ANXA6: variants seen among roughly 807,000 people sequenced by gnomAD.
ANXA6 encodes 67 kDa calelectrin.
A neutral mutation model predicts 95.4 loss-of-function variants in ANXA6; 71 were observed. The ratio of observed to expected loss-of-function variants is 0.74; its 90% CI spans 0.61 to 0.91. The LOEUF (loss-of-function observed/expected upper bound fraction) is 0.91, where lower values mean the gene tolerates loss of function less well. Among genes scored for constraint, ANXA6 ranks in the 40% least tolerant of loss-of-function variants. ANXA6 has a pLI of 0.00. For missense variants in ANXA6, 830 were observed against 876.4 expected, an observed-to-expected ratio of 0.95 and a Z score of 0.67; for synonymous variants, 289 against 315.9, an observed-to-expected ratio of 0.91 and a Z score of 0.90.
At chr5:151,104,314 C>T (rs2113889718) in intron 24 of ANXA6, among the ~76,000 whole-genome samples, 1 of 152,356 alleles carries the variant, frequency 6.6e-6, no homozygotes, top group African/African-American at 2.4e-5. Flanking sequence ...GAAACTACCA[C>T]CGGGCCCAAG....
intron 15 of ANXA6, 78 bp from the exon 16 acceptor site, chr5:151,123,089 C>G (rs771360483): frequency 5.7e-6 from 7 of 1,227,222 alleles, no homozygotes; most frequent in Non-Finnish European, 7.1e-6. Context: ...ACTGATGGCC[C>G]CTCATCGATC....
chr5:151,129,601 T>G, intron 11 of ANXA6, 72 bp from the exon 12 acceptor site: 1 of 1,483,624 alleles, frequency 6.7e-7, no homozygotes, highest in Non-Finnish European at 9.0e-7. Context: ...CCAGCTTAGT[T>G]GAAAATCCTA....
intron 12 of ANXA6, among the ~76,000 whole-genome samples, chr5:151,128,946 C>CA (rs372400204): frequency 0.49 from 62,373 of 127,604 alleles, 13,974 homozygotes; most frequent in South Asian, 0.61. Flanking sequence ...TTCAGTCATC[C>CA]AAAAAAAAAA....
At chr5:151,155,207 C>T (rs1042192496) in intron 1 of ANXA6, 2 of 152,080 alleles carry the variant, frequency 1.3e-5, no homozygotes, top group African/African-American at 4.8e-5. Context: ...CGGGGCCTGG[C>T]AAATTTAAGG....
chr5:151,105,306 G>A lies in ANXA6; in HGVS notation c.1781-3C>T, dbSNP rs763099195. 6.2e-7 allele frequency: 1 copy of A among 1,613,836 alleles called. No individual in the cohort carries two copies. Among genetic ancestry groups the A allele is most frequent in the Non-Finnish European group, 8.5e-7 (1 of 1,179,752 alleles). On this transcript the variant is annotated splice_polypyrimidine_tract_variant and splice_region_variant and intron_variant, in intron 23 of 25. Transcript: ENST00000354546. Reference sequence around the variant, plus strand: ...AGGCTTGTTCTTGACACTTTGAACTGGTAGGAAGAGCAGAGAGATGCGGGG... The same window carrying A: ...AGGCTTGTTCTTGACACTTTGAACTAGTAGGAAGAGCAGAGAGATGCGGGG...
Position 151,101,524 on chromosome 5 carries a change from G to A in ANXA6, c.1963-17C>T. On this transcript the variant is annotated splice_polypyrimidine_tract_variant and intron_variant, in intron 25 of 25. Coordinates refer to ENST00000354546, the MANE Select transcript of ANXA6 (RefSeq NM_001155.5). ...GGTGTCACCCTGGCAGAGGCAGAGA[G>A]CAGAGTGAGTGAAAACAGTCCTTCC... The A allele has an allele frequency of 6.4e-7, 1 of 1,555,894 alleles. No homozygotes were observed. Among genetic ancestry groups the A allele is most frequent in the African/African-American group, 1.4e-5 (1 of 73,288 alleles).
intron 3 of ANXA6, 67 bp downstream of exon 3, chr5:151,140,083 CCAG>C: frequency 7.0e-7 from 1 of 1,424,742 alleles, no homozygotes; most frequent in Non-Finnish European, 9.7e-7. Context: ...ACCACCACCA[CCAG>C]AAGGGCTCTG....
intron 1 of ANXA6, among the ~76,000 whole-genome samples, chr5:151,149,158 G>T (rs1766044548): frequency 7.3e-6 from 1 of 136,710 alleles, no homozygotes; most frequent in African/African-American, 2.8e-5. Context: ...TCCAGCCTGG[G>T]TGACAGGGCA....
At chr5:151,126,123 G>A (rs925748808) in intron 14 of ANXA6, among the ~76,000 whole-genome samples, 5 of 152,244 alleles carry the variant, frequency 3.3e-5, no homozygotes, top group Admixed American at 1.3e-4. Flanking sequence ...GACTCCAGAC[G>A]GGACAGGCCC....
At chr5:151,142,096 C>T (rs2113949445) in intron 2 of ANXA6, among the ~76,000 whole-genome samples, 1 of 152,336 alleles carries the variant, frequency 6.6e-6, no homozygotes, top group South Asian at 2.1e-4. Context: ...AATTTCACTT[C>T]TAAATCCTTT....
chr5:151,116,098 T>A (rs2113906636), intron 20 of ANXA6, among the ~76,000 whole-genome samples: 1 of 152,350 alleles, frequency 6.6e-6, no homozygotes, highest in Admixed American at 6.5e-5. Context: ...ATAATTACAA[T>A]TCTGTAACTG....
intron 14 of ANXA6, among the ~76,000 whole-genome samples, chr5:151,124,899 T>C (rs1765274975): frequency 6.6e-6 from 1 of 152,266 alleles, no homozygotes. Flanking sequence ...AATGGTTTTA[T>C]GTAATTCAAC....
intron 2 of ANXA6, chr5:151,141,632 G>T: frequency 2.0e-6 from 2 of 985,446 alleles, no homozygotes; most frequent in Non-Finnish European, 2.4e-6. Flanking sequence ...CCCCGGCCAG[G>T]CCTCTGGATG....
chr5:151,152,197 C>G (rs1205383751), intron 1 of ANXA6, among the ~76,000 whole-genome samples: 1 of 152,250 alleles, frequency 6.6e-6, no homozygotes, highest in African/African-American at 2.4e-5. Flanking sequence ...TCAATTTCCA[C>G]ATCCGCAAAA....
At position 151,129,375 on chromosome 5, in the gene ANXA6, C is replaced by T. The variant is rs370199086; in HGVS notation, c.918+32G>A. The T allele has an allele frequency of 1.1e-5, 17 of 1,611,012 alleles. No homozygotes were observed. In the African/African-American group the frequency reaches 1.3e-4, roughly 13 times the overall value. On this transcript the variant is annotated intron_variant, in intron 12 of 25. Transcript: ENST00000354546. ...CTCTGTCTTGGCAAAAAGCTCTTTG[C>T]TCCCTTCTCTGCCCCCATGAGCTCT...
At chr5:151,123,921 A>G (rs1765240458) in intron 15 of ANXA6, among the ~76,000 whole-genome samples, 1 of 152,180 alleles carries the variant, frequency 6.6e-6, no homozygotes, top group Admixed American at 6.5e-5. Flanking sequence ...GATTTTACAC[A>G]TAGGGAAATT....
At chr5:151,123,923 A>G (rs1190317479) in intron 15 of ANXA6, among the ~76,000 whole-genome samples, 3 of 152,210 alleles carry the variant, frequency 2.0e-5, no homozygotes, top group African/African-American at 7.2e-5. Context: ...TTTTACACAT[A>G]GGGAAATTCA....
chr5:151,112,091 C>T (rs897381176), intron 20 of ANXA6, among the ~76,000 whole-genome samples: 2 of 152,078 alleles, frequency 1.3e-5, no homozygotes, highest in African/African-American at 4.8e-5. Flanking sequence ...ACCTGGTCAG[C>T]ATTTTTCATA....
intron 2 of ANXA6, among the ~76,000 whole-genome samples, chr5:151,144,295 AT>A (rs1765920299): frequency 6.6e-6 from 1 of 152,200 alleles, no homozygotes; most frequent in Non-Finnish European, 1.5e-5. Context: ...TTGTATGTAG[AT>A]TAAAAACAGT....
Sources: gnomAD v4.1 joint callset for allele counts (sites outside exome capture counted in the v4.1 genomes callset) on GRCh38, gnomAD v4.1.1 for gene constraint, MANE v1.5 for transcripts, NCBI Gene and HGNC (gene_info 2026-07-23, HGNC 2026-07-21) for gene names.